Variants in ZBTB2 observed in about 807,000 individuals in gnomAD.
The protein encoded by ZBTB2 is zinc finger and BTB domain containing 2.
A neutral mutation model predicts 39.5 loss-of-function variants in ZBTB2; 2 were observed. The observed-to-expected ratio is 0.05, with a 90% CI of 0.02 to 0.16. ZBTB2 has a LOEUF of 0.16. Among genes scored for constraint, ZBTB2 ranks in the 10% least tolerant of loss-of-function variants. The probability of loss-of-function intolerance (pLI) is 1.00; values close to 1 mark genes in which losing one functional copy is unlikely to be tolerated. For missense variants in ZBTB2, 391 were observed against 653.0 expected (o/e 0.60, Z 4.37); for synonymous variants, 251 against 256.6 (o/e 0.98, Z 0.21).
At chr6:151,389,704 G>A (rs1376648979) in intron 1 of ZBTB2, among the ~76,000 whole-genome samples, 1 of 152,172 alleles carries the variant, frequency 6.6e-6, no homozygotes, top group Non-Finnish European at 1.5e-5. Flanking sequence ...AATGCAGCTG[G>A]GGGAGGCGGG....
intron 1 of ZBTB2, among the ~76,000 whole-genome samples, chr6:151,386,822 A>G (rs967490754): frequency 6.6e-6 from 1 of 152,190 alleles, no homozygotes; most frequent in Admixed American, 6.5e-5. Context: ...GTTTATATGG[A>G]TTTTAACTAC....
At chr6:151,376,777 G>A (rs1252046239) in intron 1 of ZBTB2, among the ~76,000 whole-genome samples, 1 of 152,186 alleles carries the variant, frequency 6.6e-6, no homozygotes, top group East Asian at 1.9e-4. Flanking sequence ...CTCTGGAAAA[G>A]AGTTAGCAGT....
At position 151,366,800 on chromosome 6, in the gene ZBTB2, A is replaced by T; in HGVS notation, c.266T>A (p.Leu89His). Reference protein sequence around the residue: ...LMYTGKMAPQLIDPVRLEQGI... With the variant: ...LMYTGKMAPQHIDPVRLEQGI... ...CTGTTCTAATCGAACCGGGTCGATG[A>T]GCTGAGGCGCCATCTTCCCAGTGTA... is the stretch of plus-strand genomic sequence containing the variant. Residue 89 changes from leucine to histidine, a missense_variant, in exon 3 of 3, where the codon CTC (leucine) becomes CAC (histidine). By Grantham distance (99) the Leu-to-His change is moderately conservative. Transcript: ENST00000325144. This position sits in a 1 kb window ranked among gnomAD's most constrained non-coding sequence, Gnocchi z 7.1. The T allele has an allele frequency of 2.5e-6, 4 of 1,614,086 alleles. No individual in the cohort carries two copies. The highest frequency in any genetic ancestry group is 3.4e-6 in the Non-Finnish European group (4 of 1,180,032).
At chr6:151,390,833 G>A (rs1200494473) in intron 1 of ZBTB2, among the ~76,000 whole-genome samples, 1 of 149,374 alleles carries the variant, frequency 6.7e-6, no homozygotes, top group Non-Finnish European at 1.5e-5. Flanking sequence ...AGCAGCAGCG[G>A]CGGCAGCAGC....
chr6:151,385,411 C>G (rs182152573), intron 1 of ZBTB2, among the ~76,000 whole-genome samples: 1 of 152,262 alleles, frequency 6.6e-6, no homozygotes, highest in Admixed American at 6.5e-5. Context: ...TGGGCTGATC[C>G]GTAAGCAACT....
intron 2 of ZBTB2, among the ~76,000 whole-genome samples, chr6:151,372,817 T>A (rs1034998401): frequency 6.6e-6 from 1 of 152,032 alleles, no homozygotes; most frequent in African/African-American, 2.4e-5. Flanking sequence ...CAGGAAAGAT[T>A]ACTGCTGGAA....
At chr6:151,377,859 C>A (rs934132987) in intron 1 of ZBTB2, 11 of 152,036 alleles carry the variant, frequency 7.2e-5, no homozygotes, top group African/African-American at 2.7e-4. Context: ...AAGCCTACTA[C>A]ACATTAATTG....
At chr6:151,375,501 T>C (rs1778887516) in intron 1 of ZBTB2, among the ~76,000 whole-genome samples, 1 of 152,220 alleles carries the variant, frequency 6.6e-6, no homozygotes, top group African/African-American at 2.4e-5. Flanking sequence ...TTTGTAGATA[T>C]AGACAAAATT....
intron 1 of ZBTB2, among the ~76,000 whole-genome samples, chr6:151,390,708 G>A (rs916989942): frequency 2.6e-5 from 4 of 151,784 alleles, no homozygotes; most frequent in Non-Finnish European, 4.4e-5. Flanking sequence ...GCTGCAGCTG[G>A]GAGAAGCGCC....
chr6:151,389,671 G>T (rs1236849673), intron 1 of ZBTB2, among the ~76,000 whole-genome samples: 1 of 152,206 alleles, frequency 6.6e-6, no homozygotes, highest in African/African-American at 2.4e-5. Context: ...TGGACCCATT[G>T]TATGATGAAA....
intron 1 of ZBTB2, among the ~76,000 whole-genome samples, chr6:151,382,835 G>A (rs371822653): frequency 3.3e-5 from 5 of 152,020 alleles, no homozygotes; most frequent in East Asian, 1.9e-4. Flanking sequence ...GACTATGGGC[G>A]TGAGCCACTG....
At chr6:151,373,870 A>AAAAAAAAAAAAAAAAACAAAAC (rs1778843577) in intron 1 of ZBTB2, among the ~76,000 whole-genome samples, 2 of 123,604 alleles carry the variant, frequency 1.6e-5, no homozygotes, top group African/African-American at 7.1e-5. Context: ...AAAAAAAAAA[A>AAAAAAAAAAAAAAAAACAAAAC]AAAAAAACCA....
intron 1 of ZBTB2, among the ~76,000 whole-genome samples, chr6:151,383,371 T>C (rs1014758860): frequency 2.6e-5 from 4 of 152,320 alleles, no homozygotes; most frequent in Admixed American, 6.5e-5. Flanking sequence ...ATTGTCAGTT[T>C]GGTGAGCTCT....
chr6:151,365,714 T>C lies in ZBTB2; in HGVS notation c.1352A>G (p.Asn451Ser). 1 of 1,614,190 alleles carries C rather than the reference T, an allele frequency of 6.2e-7. No individual in the cohort carries two copies. Among genetic ancestry groups the C allele is most frequent in the Non-Finnish European group, 8.5e-7 (1 of 1,180,038 alleles). Residue 451 changes from asparagine (N) to serine (S), a missense_variant, in exon 3 of 3, where the codon AAC becomes AGC. Physicochemically the swap from Asn to Ser is conservative, Grantham distance 46 (BLOSUM62 1). Transcript: ENST00000325144. The surrounding 1 kb of genome is among the most constrained non-coding windows in gnomAD (Gnocchi z 5.6). ...AGTGGAGAATGTTTTGTCACACAAG[T>C]TGCATTTGTAGGGTTTGTTTGTTTG... ...LVQTNKPYKC[N>S]LCDKTFSTPN...
At chr6:151,375,350 G>A (rs1778885124) in intron 1 of ZBTB2, among the ~76,000 whole-genome samples, 1 of 152,094 alleles carries the variant, frequency 6.6e-6, no homozygotes, top group Non-Finnish European at 1.5e-5. Flanking sequence ...TAAAACACTG[G>A]TGAAAGAAAT....
At chr6:151,368,892 T>TA (rs1778715383) in intron 2 of ZBTB2, among the ~76,000 whole-genome samples, 2 of 148,442 alleles carry the variant, frequency 1.3e-5, no homozygotes, top group Non-Finnish European at 3.0e-5. Context: ...CCTCCCAAGT[T>TA]GGGATTACAG....
intron 1 of ZBTB2, among the ~76,000 whole-genome samples, chr6:151,384,225 G>A (rs564228570): frequency 5.7e-4 from 86 of 152,170 alleles, no homozygotes; most frequent in Non-Finnish European, 7.8e-4. Flanking sequence ...AGAGAATAAC[G>A]AGGATGGAGA....
chr6:151,372,529 C>T (rs1180911034), intron 2 of ZBTB2, among the ~76,000 whole-genome samples: 1 of 151,926 alleles, frequency 6.6e-6, no homozygotes, highest in Non-Finnish European at 1.5e-5. Context: ...ATAAAAAGAA[C>T]AGAATAAAAA....
chr6:151,369,765 G>T (rs1454793644), intron 2 of ZBTB2, among the ~76,000 whole-genome samples: 1 of 152,122 alleles, frequency 6.6e-6, no homozygotes, highest in African/African-American at 2.4e-5. Context: ...CTGGGGTCAG[G>T]TGTTCAAGAC....
Sources: allele counts gnomAD v4.1 joint callset (sites outside exome capture counted in the v4.1 genomes callset), GRCh38; gene constraint gnomAD v4.1.1; non-coding constraint Gnocchi (gnomAD v3.1); transcripts MANE v1.5; gene names NCBI Gene and HGNC (gene_info 2026-07-23, HGNC 2026-07-21).